G6PD: variants seen among roughly 807,000 people sequenced by gnomAD.
The protein encoded by G6PD is glucose-6-phosphate 1-dehydrogenase.
Under a neutral mutation model 38.2 loss-of-function variants are expected in G6PD, and 2 were observed. That is an observed-to-expected ratio of 0.05 (90% CI 0.02 to 0.16). The LOEUF (loss-of-function observed/expected upper bound fraction) is 0.16, where lower values mean the gene tolerates loss of function less well. G6PD is among the 10% of genes least tolerant of loss of function. The pLI, the probability that G6PD is intolerant of heterozygous loss-of-function variation, is 1.00. For missense variants in G6PD, 310 were observed against 471.6 expected (o/e 0.66, Z 3.17); for synonymous variants, 188 against 196.0 (o/e 0.96, Z 0.34).
chrX:154,542,314 C>T (rs1557232112), intron 2 of G6PD: 12 of 1,180,137 alleles, frequency 1.0e-5, no homozygotes, highest in Non-Finnish European at 1.2e-5. Flanking sequence ...AAGTGAGGAC[C>T]CCGCAGACTA....
intron 2 of G6PD, among the ~76,000 whole-genome samples, chrX:154,537,129 C>T (rs782231562): frequency 9.1e-6 from 1 of 110,394 alleles, no homozygotes; most frequent in South Asian, 3.8e-4. Flanking sequence ...CACGGTGAAA[C>T]CCCGCCTCTA....
intron 8 of G6PD, 89 bp from the exon 9 acceptor site, chrX:154,533,217 G>A: frequency 2.0e-6 from 2 of 1,005,889 alleles, no homozygotes; most frequent in South Asian, 3.9e-5. Context: ...CAGCCCTCAG[G>A]GCAGGAGGAG....
chrX:154,541,712 C>A (rs2070511420), intron 2 of G6PD, among the ~76,000 whole-genome samples: 2 of 112,467 alleles, frequency 1.8e-5, no homozygotes, highest in African/African-American at 6.5e-5. Context: ...GGGGAGGGAT[C>A]TGCCCAAGGA....
Position 154,533,672 on chromosome X carries a change from G to A in G6PD, c.771-3C>T, listed in dbSNP as rs398123551. 1 of 1,210,484 alleles carries A rather than the reference G, an allele frequency of 8.3e-7. No individual in the cohort carries two copies. Among genetic ancestry groups the A allele is most frequent in the African/African-American group, 1.7e-5 (1 of 57,384 alleles). ...GTAGGTGGTTCTGCATCACGTCCCT[G>A]GGGACGGAAGAGGCCAGAGCTCGCC... On this transcript the variant is annotated splice_region_variant and splice_polypyrimidine_tract_variant and intron_variant, in intron 7 of 12. Coordinates refer to ENST00000393562, the MANE Select transcript of G6PD (RefSeq NM_001360016.2).
At chrX:154,542,760 T>A (rs2070554017) in intron 2 of G6PD, among the ~76,000 whole-genome samples, 1 of 112,044 alleles carries the variant, frequency 8.9e-6, no homozygotes, top group South Asian at 3.7e-4. Context: ...TCTGTGTTTG[T>A]GCTCTCCCGG....
chrX:154,531,843 C>T lies in G6PD; in HGVS notation c.*157G>A. On this transcript the variant is annotated 3_prime_UTR_variant, in exon 13 of 13. Coordinates refer to ENST00000393562, the MANE Select transcript of G6PD (RefSeq NM_001360016.2). ...TTGGCAGCTGAGGAATGTAGCTGGG[C>T]TCGGGTAGTAGCAGCAGCGAGGGGC... is the stretch of plus-strand genomic sequence containing the variant. 1 of 916,369 alleles carries T rather than the reference C, an allele frequency of 1.1e-6. No homozygotes were observed. The highest frequency in any genetic ancestry group is 1.5e-6 in the Non-Finnish European group (1 of 663,667). 75.5% of individuals were successfully genotyped at this position (916,369 alleles called of 1,213,427 possible).
At chrX:154,544,574 C>T (rs1416713018) in intron 2 of G6PD, among the ~76,000 whole-genome samples, 5 of 112,626 alleles carry the variant, frequency 4.4e-5, no homozygotes, top group Non-Finnish European at 9.4e-5. Flanking sequence ...GGAATACAGG[C>T]GTGAGCCACC....
intron 2 of G6PD, among the ~76,000 whole-genome samples, chrX:154,543,729 C>T (rs782412082): frequency 8.2e-5 from 9 of 110,127 alleles, no homozygotes; most frequent in African/African-American, 1.3e-4. Context: ...TCACTCACTC[C>T]GTCACCCAGG....
In G6PD at chrX:154,546,266, C is replaced by T. The variant is rs1249681726; in HGVS notation, c.-8-103G>A. 5.7e-6 allele frequency: 6 copies of T among 1,049,305 alleles called. No individual in the cohort carries two copies. In the Admixed American group the frequency reaches 1.3e-4, roughly 23 times the overall value. The allele number at this position is 1,049,305 out of a possible 1,213,427, so 86.5% of individuals were successfully genotyped here. A position where few individuals can be genotyped will look rare whatever the true frequency, so the allele number is the denominator to read the frequency against. On this transcript the variant is annotated intron_variant, in intron 1 of 12. Coordinates refer to ENST00000393562, the MANE Select transcript of G6PD (RefSeq NM_001360016.2). ...TCTGGGGTCTCACACCAGGGTGACACCTGATTGCCCAAATCACTCCTTGTG... is the reference window on the plus strand; with the variant it reads ...TCTGGGGTCTCACACCAGGGTGACATCTGATTGCCCAAATCACTCCTTGTG...
Position 154,533,084 on chromosome X carries a change from C to T in G6PD, c.909G>A (p.Val303=). ...GGTTCCCCACGTACTGGCCCAGGAC[C>T]ACATTGTTGGCCTGCACCTCTGAGA... ...KCISEVQANN[V]VLGQYVGNPD... Residue 303 remains valine, a synonymous_variant, in exon 9 of 13, where the codon GTG becomes GTA. Coordinates refer to ENST00000393562, the MANE Select transcript of G6PD (RefSeq NM_001360016.2). 3 of 1,212,333 alleles carry T rather than the reference C, an allele frequency of 2.5e-6. No homozygotes were observed. The highest frequency in any genetic ancestry group is 3.3e-6 in the Non-Finnish European group (3 of 895,600).
At chrX:154,546,995 C>T (rs1275005926), upstream of G6PD, 1 of 235,275 alleles carries the variant, frequency 4.3e-6, no homozygotes, top group Non-Finnish European at 7.2e-6. Flanking sequence ...GGTGCGCGCG[C>T]ATCCCAGGCC....
At chrX:154,545,896 G>T in intron 2 of G6PD, 140 bp downstream of exon 2, 28 of 665,207 alleles carry the variant, frequency 4.2e-5, no homozygotes, top group Non-Finnish European at 6.6e-5. Flanking sequence ...GAGCCGGGAT[G>T]ATCCTGGCGC....
intron 4 of G6PD, 169 bp downstream of exon 4, chrX:154,535,768 C>T (rs1348166753): frequency 3.4e-5 from 17 of 500,704 alleles, no homozygotes; most frequent in Non-Finnish European, 6.1e-5. Context: ...GGGTCCTGGT[C>T]ACGGGGGCTG....
chrX:154,535,294 C>T lies in G6PD; in HGVS notation c.359G>A (p.Arg120His), dbSNP rs782820967. ...GQYDDAASYQ[R>H]LNSHMNALHL... The stretch of plus-strand genomic sequence containing the variant: ...GAGGGCATTCATGTGGCTGTTGAGG[C>T]GCTGGTAGGAGGCTGCATCATCGTA... The change falls in exon 5 of 13, where the codon CGC (arginine) becomes CAC (histidine). Residue 120 changes from arginine to histidine, a missense_variant. Physicochemically the swap from Arg to His is conservative, Grantham distance 29 (BLOSUM62 0). Around this residue, in one of 4 missense-constraint regions of G6PD, gnomAD observed 96 missense variants for 93.3 expected, o/e 1.03. Coordinates refer to ENST00000393562, the MANE Select transcript of G6PD (RefSeq NM_001360016.2). 1.4e-5 allele frequency: 17 copies of T among 1,210,432 alleles called. No homozygotes were observed. Among genetic ancestry groups the T allele is most frequent in the South Asian group, 3.5e-5 (2 of 56,882 alleles).
At chrX:154,541,728 G>A (rs1483068947) in intron 2 of G6PD, among the ~76,000 whole-genome samples, 1 of 112,514 alleles carries the variant, frequency 8.9e-6, no homozygotes, top group Non-Finnish European at 1.9e-5. Flanking sequence ...AAGGACACAA[G>A]GTGACTTAGT....
chrX:154,540,000 C>A (rs1216280247), intron 2 of G6PD, among the ~76,000 whole-genome samples: 1 of 110,185 alleles, frequency 9.1e-6, no homozygotes, highest in African/African-American at 3.3e-5. Context: ...GCATTACAGG[C>A]GTGAGCCACC....
chrX:154,542,588 GC>G, intron 2 of G6PD: 1 of 853,687 alleles, frequency 1.2e-6, no homozygotes, highest in Non-Finnish European at 1.6e-6. Context: ...AGGTAAGCTG[GC>G]CAGGGAGGAG....
Position 154,532,997 on chromosome X carries a change from G to A in G6PD, c.996C>T (p.Ser332=), listed in dbSNP as rs2070359499. ...YLDDPTVPRG[S]TTATFAAVVL... is the part of the protein sequence containing the mutation. ...CGACGGCTGCAAAAGTGGCGGTGGT[G>A]GACCCGCGGGGCACCGTGGGGTCGT... The change falls in exon 9 of 13, where the codon TCC becomes TCT. Residue 332 remains serine, a synonymous_variant. Coordinates refer to ENST00000393562, the MANE Select transcript of G6PD (RefSeq NM_001360016.2). The A allele has an allele frequency of 8.3e-7, 1 of 1,211,991 alleles. No individual in the cohort carries two copies. The highest frequency in any genetic ancestry group is 1.1e-6 in the Non-Finnish European group (1 of 895,482).
intron 2 of G6PD, 98 bp downstream of exon 2, chrX:154,545,938 A>G: frequency 1.9e-6 from 2 of 1,080,513 alleles, no homozygotes; most frequent in Non-Finnish European, 2.5e-6. Flanking sequence ...AGCTCAACTT[A>G]GCAGAGCCTG....
Sources: gnomAD v4.1 joint callset for allele counts (sites outside exome capture counted in the v4.1 genomes callset) on GRCh38, gnomAD v4.1.1 for gene constraint, gnomAD v4.1.1 regional missense constraint, MANE v1.5 for transcripts, NCBI Gene and HGNC (gene_info 2026-07-23, HGNC 2026-07-21) for gene names.